Variants in ZRANB3 observed in about 807,000 individuals in gnomAD.
ZRANB3 encodes the protein DNA annealing helicase and endonuclease ZRANB3.
A neutral mutation model predicts 133.8 loss-of-function variants in ZRANB3; 125 were observed. The observed-to-expected ratio is 0.93, with a 90% confidence interval of 0.81 to 1.08. The LOEUF (loss-of-function observed/expected upper bound fraction) is 1.08. ZRANB3 is among the 50% of genes least tolerant of loss of function. The pLI, the probability that ZRANB3 is intolerant of heterozygous loss-of-function variation, is 0.00. For synonymous variants in ZRANB3, 387 were observed against 432.7 expected (o/e 0.89, Z 1.31); for missense variants, 1,229 against 1,275.5 (o/e 0.96, Z 0.56).
chr2:135,488,919 C>T (rs1274454233), intron 2 of ZRANB3, among the ~76,000 whole-genome samples: 2 of 151,504 alleles, frequency 1.3e-5, no homozygotes, highest in Admixed American at 6.6e-5. Flanking sequence ...CATAATAAAA[C>T]AAAGTATGCT....
chr2:135,498,267 C>T (rs113481496), intron 2 of ZRANB3, among the ~76,000 whole-genome samples: 6,632 of 151,962 alleles, frequency 0.044, 481 homozygotes, highest in African/African-American at 0.15. Context: ...ATGGAGGGAC[C>T]GGCTGAAGCC....
At chr2:135,461,020 C>A (rs1420610736) in intron 2 of ZRANB3, among the ~76,000 whole-genome samples, 1 of 152,108 alleles carries the variant, frequency 6.6e-6, no homozygotes, top group Non-Finnish European at 1.5e-5. Context: ...CTATCAGGTG[C>A]TGTATTACAC....
At chr2:135,460,170 A>G (rs1690700706) in intron 2 of ZRANB3, among the ~76,000 whole-genome samples, 2 of 152,052 alleles carry the variant, frequency 1.3e-5, no homozygotes. Flanking sequence ...AATGTTTTAC[A>G]CCTGTAGCTG....
intron 8 of ZRANB3, among the ~76,000 whole-genome samples, chr2:135,302,913 T>C (rs1239564118): frequency 3.9e-5 from 6 of 152,110 alleles, no homozygotes; most frequent in South Asian, 4.1e-4. Flanking sequence ...CTGTATTCAG[T>C]ATTATATACA....
At chr2:135,351,269 T>C (rs201960245) in intron 4 of ZRANB3, among the ~76,000 whole-genome samples, 29 of 146,876 alleles carry the variant, frequency 2.0e-4, no homozygotes, top group East Asian at 7.8e-4. Context: ...AATTTTCTTT[T>C]TTTTTTTTTT....
At chr2:135,523,844 G>A (rs1282140404) in intron 1 of ZRANB3, among the ~76,000 whole-genome samples, 1 of 152,194 alleles carries the variant, frequency 6.6e-6, no homozygotes, top group Non-Finnish European at 1.5e-5. Flanking sequence ...AGAATACAGA[G>A]GGTAGAACAG....
At chr2:135,435,167 A>C (rs749691245) in intron 2 of ZRANB3, among the ~76,000 whole-genome samples, 3 of 151,560 alleles carry the variant, frequency 2.0e-5, no homozygotes, top group Non-Finnish European at 4.4e-5. Context: ...AGTAGACCCC[A>C]GTGTCGATTG....
intron 13 of ZRANB3, among the ~76,000 whole-genome samples, chr2:135,229,361 C>A (rs1055340668): frequency 4.4e-4 from 66 of 150,738 alleles, no homozygotes; most frequent in Admixed American, 4.0e-4. Context: ...TTTGTCAATG[C>A]CAATATTTTT....
chr2:135,415,383 C>A (rs951876910), intron 2 of ZRANB3, among the ~76,000 whole-genome samples: 11 of 152,198 alleles, frequency 7.2e-5, no homozygotes, highest in African/African-American at 2.6e-4. Context: ...CCTTGACACA[C>A]ACACTTTCCC....
At chr2:135,401,159 A>G (rs1479661838) in intron 2 of ZRANB3, among the ~76,000 whole-genome samples, 1 of 152,172 alleles carries the variant, frequency 6.6e-6, no homozygotes, top group Non-Finnish European at 1.5e-5. Context: ...TTGAGACATC[A>G]CCAGACACAT....
intron 10 of ZRANB3, 110 bp downstream of exon 10, chr2:135,271,658 A>T: frequency 1.6e-6 from 2 of 1,245,534 alleles, no homozygotes; most frequent in Non-Finnish European, 2.2e-6. Context: ...TTTATTATAC[A>T]AGGCATCCAG....
At chr2:135,514,685 G>C (rs1574237671) in intron 1 of ZRANB3, among the ~76,000 whole-genome samples, 1 of 152,236 alleles carries the variant, frequency 6.6e-6, no homozygotes, top group South Asian at 2.1e-4. Context: ...TGCTGAATAG[G>C]AGTGGTGAAA....
chr2:135,436,715 T>C (rs1375064047), intron 2 of ZRANB3, among the ~76,000 whole-genome samples: 1 of 152,168 alleles, frequency 6.6e-6, no homozygotes, highest in Non-Finnish European at 1.5e-5. Context: ...TTCAATGTTA[T>C]TCCTATGAAA....
At chr2:135,499,546 A>T (rs1692841747) in intron 2 of ZRANB3, among the ~76,000 whole-genome samples, 1 of 152,200 alleles carries the variant, frequency 6.6e-6, no homozygotes, top group Non-Finnish European at 1.5e-5. Context: ...ACAGATAAGA[A>T]ATGAACAGGC....
In ZRANB3 at chr2:135,284,312, CTT is replaced by C. The variant is rs1681241907; in HGVS notation, c.967-8559_967-8558del. 2.0e-5 allele frequency among the ~76,000 whole-genome samples: 3 copies of C among 152,306 alleles called. No homozygotes were observed. In the South Asian group the frequency reaches 6.2e-4, roughly 32 times the overall value. ...AGTGAACATTATAAAAGTATTAGCT[CTT>C]ATTATTAGCATATTTCTCCAGTAAA... On this transcript the variant is annotated intron_variant, in intron 8 of 20. Transcript: ENST00000264159.
chr2:135,339,201 C>T (rs945511563), intron 6 of ZRANB3, among the ~76,000 whole-genome samples: 1 of 152,164 alleles, frequency 6.6e-6, no homozygotes, highest in Admixed American at 6.5e-5. Context: ...CACCTCAGGT[C>T]AGGAGTTCGA....
intron 1 of ZRANB3, among the ~76,000 whole-genome samples, chr2:135,518,127 C>T (rs1445805471): frequency 6.6e-6 from 1 of 152,136 alleles, no homozygotes; most frequent in African/African-American, 2.4e-5. Context: ...CTCGACCGTC[C>T]CAGATAGACT....
In ZRANB3 at chr2:135,323,173, T is replaced by A. The variant is rs577451469; in HGVS notation, c.678-7643A>T. On this transcript the variant is annotated intron_variant, in intron 6 of 20. Coordinates refer to ENST00000264159, the MANE Select transcript of ZRANB3 (RefSeq NM_032143.4). ...ATTTTCAAACTGTTTTCCAAAATGGTTGTAGTATTTTGCTTTCCAACCACA... is the reference window on the plus strand; with the variant it reads ...ATTTTCAAACTGTTTTCCAAAATGGATGTAGTATTTTGCTTTCCAACCACA... Among the ~76,000 whole-genome samples the A allele has an allele frequency of 1.3e-4, 20 of 152,328 alleles. No homozygotes were observed. The East Asian group carries it at 3.9e-3, about 29-fold the overall frequency.
In ZRANB3 at chr2:135,197,917, C is replaced by T. The variant is rs1488619074; in HGVS notation, c.*2425G>A. ...TTAAGTGACCCTCCTACCTCAGCCT[C>T]CTGTGTAGCTAGGACTACAAGCAAG... is the stretch of plus-strand genomic sequence containing the variant. On this transcript the variant is annotated 3_prime_UTR_variant, in exon 21 of 21. Coordinates refer to ENST00000264159, the MANE Select transcript of ZRANB3 (RefSeq NM_032143.4). 6.6e-6 allele frequency: 1 copy of T among 152,668 alleles called. No homozygotes were observed. The highest frequency in any genetic ancestry group is 1.5e-5 in the Non-Finnish European group (1 of 68,424). The allele number at this position is 152,668 out of a possible 1,614,324, so 9.5% of individuals were successfully genotyped here.
Sources: allele counts gnomAD v4.1 joint callset (sites outside exome capture counted in the v4.1 genomes callset), GRCh38; gene constraint gnomAD v4.1.1; transcripts MANE v1.5; gene names NCBI Gene and HGNC (gene_info 2026-07-23, HGNC 2026-07-21).